The following SLC5A6 variants were observed in gnomAD, a reference collection of about 807,000 sequenced individuals.
The protein encoded by SLC5A6 is sodium-dependent multivitamin transporter.
In SLC5A6, 31 loss-of-function variants were observed where a neutral mutation model predicts 67.9. That is an observed-to-expected ratio of 0.46 (90% CI 0.34 to 0.62). SLC5A6 has a LOEUF of 0.62. Ranked by LOEUF, SLC5A6 falls within the 20% of genes least tolerant of loss-of-function variation. SLC5A6 has a pLI of 0.01. For missense variants in SLC5A6, 673 were observed against 812.8 expected (o/e 0.83, Z 2.09); for synonymous variants, 343 against 331.0 (o/e 1.04, Z -0.39).
chr2:27,212,366 A>G (rs1391506723), upstream of SLC5A6: 2 of 1,550,220 alleles, frequency 1.3e-6, no homozygotes, highest in Non-Finnish European at 1.7e-6. Context: ...AAGGGAACGG[A>G]AAATGGCGCC....
intron 4 of SLC5A6, 69 bp downstream of exon 4, chr2:27,206,808 C>T (rs1470823994): frequency 4.9e-6 from 6 of 1,214,780 alleles, no homozygotes; most frequent in Non-Finnish European, 7.4e-6. Flanking sequence ...GACTCCAATT[C>T]CCTCAGCATG....
chr2:27,201,542 G>A, intron 14 of SLC5A6, 89 bp from the exon 15 acceptor site: 30 of 1,343,780 alleles, frequency 2.2e-5, no homozygotes, highest in Non-Finnish European at 3.2e-5. Flanking sequence ...TGGTCCCAGG[G>A]TCTTGGGACC....
At chr2:27,203,051 C>G (rs1572386280) in intron 11 of SLC5A6, 171 bp from the exon 12 acceptor site, 1 of 1,490,960 alleles carries the variant, frequency 6.7e-7, no homozygotes, top group South Asian at 1.4e-5. Flanking sequence ...CTATGTGACT[C>G]AGAGACCTCC....
chr2:27,200,093 C>G lies in SLC5A6; in HGVS notation c.*343G>C. 5.3e-6 allele frequency: 1 copy of G among 187,180 alleles called. No individual in the cohort carries two copies. 11.6% of individuals were successfully genotyped at this position (187,180 alleles called of 1,614,324 possible). A position where few individuals can be genotyped will look rare whatever the true frequency, so the allele number is the denominator to read the frequency against. On this transcript the variant is annotated 3_prime_UTR_variant, in exon 17 of 17. Transcript: ENST00000310574. ...GGCAATTATAACCAGAGTGCTGTTT[C>G]TAGCCACTTACTTCAAAGGACTATG...
At chr2:27,203,490 G>A in intron 10 of SLC5A6, 145 bp from the exon 11 acceptor site, 2 of 720,148 alleles carry the variant, frequency 2.8e-6, no homozygotes, top group Admixed American at 5.4e-5. Flanking sequence ...TGCCACCTCA[G>A]AGCGGGCCTG....
At chr2:27,210,961 TTGCAG>T (rs1674443980) in intron 2 of SLC5A6, among the ~76,000 whole-genome samples, 2 of 152,200 alleles carry the variant, frequency 1.3e-5, no homozygotes, top group South Asian at 4.2e-4. Flanking sequence ...GAGGCGGAGC[TTGCAG>T]TGAGCCGAGA....
rs147415128 is a variant in SLC5A6, at chr2:27,205,037, A to C, written c.735-106T>G. The C allele has an allele frequency of 1.5e-4, 201 of 1,330,234 alleles. No homozygotes were observed. The East Asian group carries it at 4.6e-3, about 30-fold the overall frequency. 82.4% of individuals were successfully genotyped at this position (1,330,234 alleles called of 1,614,324 possible). On this transcript the variant is annotated intron_variant, in intron 7 of 16. Coordinates refer to ENST00000310574, the MANE Select transcript of SLC5A6 (RefSeq NM_021095.4). ...ACAGGAAAGGAGAGACACCACTGCT[A>C]GGGCCAAGGGGGACACTGAAAGCAA...
At chr2:27,203,130 C>T in intron 11 of SLC5A6, 103 bp downstream of exon 11, 1 of 1,567,454 alleles carries the variant, frequency 6.4e-7, no homozygotes, top group Non-Finnish European at 8.6e-7. Flanking sequence ...TAGGCAAGTG[C>T]TGAGCCCCGG....
At chr2:27,212,419 C>A (rs1035238411), upstream of SLC5A6, 3 of 1,554,694 alleles carry the variant, frequency 1.9e-6, no homozygotes, top group East Asian at 2.4e-5. Flanking sequence ...CCTGGGCTGC[C>A]GCCCTGCTCC....
chr2:27,212,407 G>A (rs756742309), upstream of SLC5A6: 4 of 1,552,120 alleles, frequency 2.6e-6, no homozygotes, highest in Non-Finnish European at 2.6e-6. Flanking sequence ...CGACCCTGGT[G>A]CCCTGGGCTG....
rs752177764 is a variant in SLC5A6 at position 27,204,908 on chromosome 2, C to T, written c.758G>A (p.Arg253Gln). ...GFELDPDPFV[R>Q]HTFWTLAFGG... is the part of the protein sequence containing the mutation. The stretch of plus-strand genomic sequence containing the variant: ...GAAGGCCAAGGTCCAGAAGGTGTGC[C>T]GCACAAAGGGGTCTGGATCCAGCCT... The change falls in exon 8 of 17, where the codon CGG becomes CAG. Residue 253 changes from arginine to glutamine, a missense_variant. Transcript: ENST00000310574. 1.5e-5 allele frequency: 24 copies of T among 1,613,856 alleles called. No homozygotes were observed. The highest frequency in any genetic ancestry group is 2.2e-5 in the South Asian group (2 of 91,078).
At chr2:27,203,138 C>T (rs1020900388) in intron 11 of SLC5A6, 95 bp downstream of exon 11, 8 of 1,577,902 alleles carry the variant, frequency 5.1e-6, no homozygotes, top group Admixed American at 3.7e-5. Flanking sequence ...TGCTGAGCCC[C>T]GGATAAAGTG....
intron 6 of SLC5A6, among the ~76,000 whole-genome samples, 168 bp from the exon 7 acceptor site, chr2:27,205,672 G>A (rs1257725337): frequency 1.3e-5 from 2 of 152,090 alleles, no homozygotes; most frequent in Non-Finnish European, 1.5e-5. Context: ...TATAAAAGAG[G>A]GATGACGAAG....
chr2:27,212,080 G>C lies in SLC5A6; in HGVS notation c.-268C>G. The C allele has an allele frequency of 7.6e-7, 1 of 1,319,808 alleles. No homozygotes were observed. The highest frequency in any genetic ancestry group is 1.0e-6 in the Non-Finnish European group (1 of 990,228). The allele number at this position is 1,319,808 out of a possible 1,614,324, so 81.8% of individuals were successfully genotyped here. Reference sequence around the variant, plus strand: ...CCGCGACCTCGGCGTCCGGACGCGGGGAACACCGGGCTGAGGGAGTCTGCA... The same window carrying C: ...CCGCGACCTCGGCGTCCGGACGCGGCGAACACCGGGCTGAGGGAGTCTGCA... On this transcript the variant is annotated 5_prime_UTR_variant, in exon 1 of 17. Coordinates refer to ENST00000310574, the MANE Select transcript of SLC5A6 (RefSeq NM_021095.4).
At chr2:27,205,201 C>G in intron 7 of SLC5A6, 149 bp downstream of exon 7, 1 of 800,092 alleles carries the variant, frequency 1.2e-6, no homozygotes, top group East Asian at 2.7e-5. Context: ...TAATCACCCT[C>G]CATCTCTGCA....
Position 27,200,399 on chromosome 2 carries a change from G to A in SLC5A6, c.*37C>T. 1.3e-6 allele frequency: 2 copies of A among 1,585,200 alleles called. No individual in the cohort carries two copies. The highest frequency in any genetic ancestry group is 1.7e-6 in the Non-Finnish European group (2 of 1,165,566). On this transcript the variant is annotated 3_prime_UTR_variant, in exon 17 of 17. Transcript: ENST00000310574. ...ACAGGGTGGCCTCTGGCTATGGCCT[G>A]GCACAGTGAGGACAGAGGCGGGGTC... is the stretch of plus-strand genomic sequence containing the variant.
Position 27,206,096 on chromosome 2 carries a change from G to C in SLC5A6, c.512-3C>G. The stretch of plus-strand genomic sequence containing the variant: ...CAGCCACAGATCAAAGCCAGTCACT[G>C]TAAGCATAGAAGCCACATTCTTATC... On this transcript the variant is annotated splice_polypyrimidine_tract_variant and splice_region_variant and intron_variant, in intron 5 of 16. Coordinates refer to ENST00000310574, the MANE Select transcript of SLC5A6 (RefSeq NM_021095.4). 3 of 1,614,084 alleles carry C rather than the reference G, an allele frequency of 1.9e-6. No homozygotes were observed. The highest frequency in any genetic ancestry group is 2.5e-6 in the Non-Finnish European group (3 of 1,179,942).
chr2:27,209,030 A>T (rs1381865282), intron 2 of SLC5A6, among the ~76,000 whole-genome samples: 2 of 152,228 alleles, frequency 1.3e-5, no homozygotes, highest in Non-Finnish European at 2.9e-5. Flanking sequence ...AGAAAGAGGG[A>T]AGGGATCATA....
intron 4 of SLC5A6, 74 bp from the exon 5 acceptor site, chr2:27,206,608 C>T (rs1030934294): frequency 1.2e-5 from 16 of 1,359,760 alleles, no homozygotes; most frequent in Non-Finnish European, 1.5e-5. Flanking sequence ...TGGGCCTCAG[C>T]GCCAATATGC....
Sources: gnomAD v4.1 joint callset for allele counts (sites outside exome capture counted in the v4.1 genomes callset) on GRCh38, gnomAD v4.1.1 for gene constraint, MANE v1.5 for transcripts, NCBI Gene and HGNC (gene_info 2026-07-23, HGNC 2026-07-21) for gene names.